Variants in PLD1 observed in about 807,000 individuals in gnomAD.
PLD1 encodes the protein choline phosphatase 1.
In PLD1, 112 loss-of-function variants were observed where a neutral mutation model predicts 137.1. That is an observed-to-expected ratio of 0.82 (90% CI 0.70 to 0.96). The LOEUF is 0.96. Among genes scored for constraint, PLD1 ranks in the 40% least tolerant of loss-of-function variants. The pLI is 0.00. For missense variants in PLD1, 1,321 were observed against 1,342.0 expected (o/e 0.98, Z 0.24); for synonymous variants, 431 against 454.7 (o/e 0.95, Z 0.66).
chr3:171,732,406 G>A (rs1449394881), intron 6 of PLD1, among the ~76,000 whole-genome samples: 1 of 152,130 alleles, frequency 6.6e-6, no homozygotes, highest in Non-Finnish European at 1.5e-5. Context: ...GCTGCTGCTG[G>A]AGGCAGGTAG....
intron 1 of PLD1, among the ~76,000 whole-genome samples, chr3:171,741,459 A>C (rs1171674071): frequency 2.0e-5 from 3 of 152,178 alleles, no homozygotes; most frequent in Non-Finnish European, 4.4e-5. Context: ...AATAATCTAT[A>C]ATAGGGGGTG....
intron 8 of PLD1, among the ~76,000 whole-genome samples, chr3:171,720,365 C>T (rs368933781): frequency 6.7e-6 from 1 of 149,206 alleles, no homozygotes; most frequent in East Asian, 2.0e-4. Context: ...GGAGCCGAGG[C>T]GGGCGGATCA....
At chr3:171,764,899 GGAAGGAAGGAAGGAAA>G (rs1560288841) in intron 1 of PLD1, among the ~76,000 whole-genome samples, 43 of 24,766 alleles carry the variant, frequency 1.7e-3, no homozygotes, top group Admixed American at 3.0e-3. Context: ...AAGAAAGGAA[GGAAGGAAGGAAGGAAA>G]GAAAGAAAGG....
At chr3:171,694,904 T>C (rs982580624) in intron 12 of PLD1, among the ~76,000 whole-genome samples, 2 of 152,286 alleles carry the variant, frequency 1.3e-5, no homozygotes, top group East Asian at 1.9e-4. Context: ...CTAAAGGAAA[T>C]AGGGTAGAGA....
At chr3:171,634,894 C>CAAAAA (rs1734975056) in intron 23 of PLD1, among the ~76,000 whole-genome samples, 1 of 152,016 alleles carries the variant, frequency 6.6e-6, no homozygotes, top group African/African-American at 2.4e-5. Context: ...ATTTTTATCA[C>CAAAAA]TCCCCCAAAA....
At chr3:171,728,315 AAAAC>A (rs775537037) in intron 6 of PLD1, among the ~76,000 whole-genome samples, 1 of 152,192 alleles carries the variant, frequency 6.6e-6, no homozygotes, top group Non-Finnish European at 1.5e-5. Flanking sequence ...GACTGTCTCA[AAAAC>A]AAACAAACAA....
At chr3:171,617,807 T>C (rs984961275) in intron 24 of PLD1, among the ~76,000 whole-genome samples, 5 of 152,132 alleles carry the variant, frequency 3.3e-5, no homozygotes, top group African/African-American at 4.8e-5. Context: ...TCATTTTTCT[T>C]ATGTCAGCTA....
intron 8 of PLD1, among the ~76,000 whole-genome samples, chr3:171,717,467 A>C (rs746900702): frequency 2.4e-4 from 36 of 152,124 alleles, no homozygotes; most frequent in Non-Finnish European, 4.0e-4. Context: ...TTTTTGTGGA[A>C]ATTGTGAATG....
intron 1 of PLD1, among the ~76,000 whole-genome samples, chr3:171,755,821 A>G (rs1349774174): frequency 6.6e-6 from 1 of 152,198 alleles, no homozygotes; most frequent in African/African-American, 2.4e-5. Flanking sequence ...CTTCAGACCT[A>G]TCTATCCAGC....
intron 1 of PLD1, among the ~76,000 whole-genome samples, chr3:171,800,854 TG>T (rs1723615756): frequency 6.6e-6 from 1 of 152,186 alleles, no homozygotes; most frequent in Non-Finnish European, 1.5e-5. Context: ...GGTCCCTCTC[TG>T]GCCTCTTTTA....
intron 1 of PLD1, among the ~76,000 whole-genome samples, chr3:171,775,656 G>T (rs1344285676): frequency 6.6e-6 from 1 of 151,918 alleles, no homozygotes; most frequent in Admixed American, 6.6e-5. Context: ...CAGCCTGGCC[G>T]ACATGGTGAA....
intron 1 of PLD1, among the ~76,000 whole-genome samples, chr3:171,800,928 T>C (rs1379223327): frequency 1.3e-5 from 2 of 152,202 alleles, no homozygotes; most frequent in Admixed American, 1.3e-4. Context: ...CCTAAAGGCC[T>C]CACCTCCTAA....
chr3:171,633,528 C>T (rs535048671), intron 23 of PLD1, among the ~76,000 whole-genome samples: 17 of 152,180 alleles, frequency 1.1e-4, no homozygotes, highest in African/African-American at 4.1e-4. Flanking sequence ...GGAAAAATCT[C>T]TAATGTAAGT....
chr3:171,618,044 G>T (rs984537023), intron 24 of PLD1, among the ~76,000 whole-genome samples: 1 of 152,042 alleles, frequency 6.6e-6, no homozygotes, highest in African/African-American at 2.4e-5. Flanking sequence ...AGTTTCCACC[G>T]AGATAAAAAG....
chr3:171,749,658 T>C (rs1209902226), intron 1 of PLD1, among the ~76,000 whole-genome samples: 1 of 152,214 alleles, frequency 6.6e-6, no homozygotes, highest in Non-Finnish European at 1.5e-5. Flanking sequence ...TCCCAGACCA[T>C]GTCAACTTGA....
intron 26 of PLD1, among the ~76,000 whole-genome samples, chr3:171,604,564 C>A (rs1407112174): frequency 1.3e-5 from 2 of 152,002 alleles, no homozygotes; most frequent in East Asian, 3.8e-4. Flanking sequence ...AATAGTTTTC[C>A]CTGATGGGCA....
At chr3:171,747,125 C>T (rs1024824666) in intron 1 of PLD1, among the ~76,000 whole-genome samples, 1 of 152,182 alleles carries the variant, frequency 6.6e-6, no homozygotes, top group Non-Finnish European at 1.5e-5. Flanking sequence ...ACCACGAACC[C>T]ACCAGAAGGA....
chr3:171,759,139 C>T (rs1184150224), intron 1 of PLD1, among the ~76,000 whole-genome samples: 1 of 151,778 alleles, frequency 6.6e-6, no homozygotes, highest in Non-Finnish European at 1.5e-5. Context: ...GGCTAACAAA[C>T]GAGCTTAAAC....
At chr3:171,803,043 C>A (rs558289961) in intron 1 of PLD1, among the ~76,000 whole-genome samples, 2 of 152,116 alleles carry the variant, frequency 1.3e-5, no homozygotes, top group Non-Finnish European at 2.9e-5. Context: ...TGTGATAGAA[C>A]CTGGAAATTT....
Sources: gnomAD v4.1 joint callset for allele counts (sites outside exome capture counted in the v4.1 genomes callset) on GRCh38, gnomAD v4.1.1 for gene constraint, MANE v1.5 for transcripts, NCBI Gene and HGNC (gene_info 2026-07-23, HGNC 2026-07-21) for gene names.